Variants in PTPRN2 observed in about 807,000 individuals in gnomAD.
The protein encoded by PTPRN2 is receptor-type tyrosine-protein phosphatase N2.
A neutral mutation model predicts 118.8 loss-of-function variants in PTPRN2; 74 were observed. The observed-to-expected ratio is 0.62, with a 90% confidence interval of 0.52 to 0.76. The LOEUF (loss-of-function observed/expected upper bound fraction) is 0.76, where lower values mean the gene tolerates loss of function less well. Among genes scored for constraint, PTPRN2 ranks in the 30% least tolerant of loss-of-function variants. The pLI, the probability that PTPRN2 is intolerant of heterozygous loss-of-function variation, is 0.00. For missense variants in PTPRN2, 1,481 were observed against 1,394.4 expected, an observed-to-expected ratio of 1.06 and a Z score of -0.99; for synonymous variants, 641 against 608.0, an observed-to-expected ratio of 1.05 and a Z score of -0.80.
chr7:158,260,492 A>C (rs1216907396), intron 3 of PTPRN2, among the ~76,000 whole-genome samples: 2 of 152,348 alleles, frequency 1.3e-5, no homozygotes, highest in South Asian at 2.1e-4. Context: ...CGACTTCTTC[A>C]GAAGGCCTAG....
intron 2 of PTPRN2, among the ~76,000 whole-genome samples, chr7:158,454,626 A>G (rs908333684): frequency 2.0e-5 from 3 of 152,038 alleles, no homozygotes; most frequent in Non-Finnish European, 4.4e-5. Context: ...ACAATCACCA[A>G]TGTCAGGATT....
rs9647689 is a variant in PTPRN2 at position 157,784,195 on chromosome 7, C to T, written c.1789-101258G>A. Among the ~76,000 whole-genome samples, 4 of 152,032 alleles carry T rather than the reference C, an allele frequency of 2.6e-5. No individual in the cohort carries two copies. The highest frequency in any genetic ancestry group is 6.5e-5 in the Admixed American group (1 of 15,278). On this transcript the variant is annotated intron_variant, in intron 12 of 22. Coordinates refer to ENST00000389418, the MANE Select transcript of PTPRN2 (RefSeq NM_002847.5). This position sits in a 1 kb window ranked among gnomAD's most constrained non-coding sequence, Gnocchi z 4.6. ...GTTAGGCCAGGGACCAATCTTACCACGTGGCTTCTGGCCCAGAGCAGCTCG... is the reference window on the plus strand; with the variant it reads ...GTTAGGCCAGGGACCAATCTTACCATGTGGCTTCTGGCCCAGAGCAGCTCG...
chr7:157,810,554 C>T (rs377089874), intron 12 of PTPRN2, among the ~76,000 whole-genome samples: 4 of 94,416 alleles, frequency 4.2e-5, no homozygotes, highest in East Asian at 6.4e-4. Flanking sequence ...ACGGGGACGG[C>T]GGGACTGCTG....
chr7:158,123,451 C>G (rs139167013), intron 9 of PTPRN2, among the ~76,000 whole-genome samples: 1 of 152,154 alleles, frequency 6.6e-6, no homozygotes, highest in African/African-American at 2.4e-5. Context: ...ATCCCCTGCA[C>G]GCCCACTCTC....
intron 9 of PTPRN2, among the ~76,000 whole-genome samples, chr7:158,114,841 G>A (rs755728548): frequency 1.2e-4 from 19 of 152,154 alleles, no homozygotes; most frequent in Non-Finnish European, 2.1e-4. Context: ...AGAGGCAGAC[G>A]CAGGGATGGA....
chr7:158,256,044 C>T (rs1369466878), intron 3 of PTPRN2, among the ~76,000 whole-genome samples: 5 of 152,182 alleles, frequency 3.3e-5, no homozygotes, highest in African/African-American at 9.7e-5. Context: ...TTTTGGATGC[C>T]GTGATCAGAA....
chr7:157,830,109 C>T (rs1807461857), intron 12 of PTPRN2, among the ~76,000 whole-genome samples: 2 of 141,142 alleles, frequency 1.4e-5, no homozygotes, highest in African/African-American at 2.6e-5. Flanking sequence ...TCCTGTCTTC[C>T]TGCTCTTGGT....
intron 6 of PTPRN2, among the ~76,000 whole-genome samples, chr7:158,166,096 C>T (rs1822944300): frequency 6.6e-6 from 1 of 152,144 alleles, no homozygotes; most frequent in African/African-American, 2.4e-5. Context: ...ATGGATGACA[C>T]AAGCTGTGGG....
chr7:158,566,519 G>A (rs1240940683), intron 1 of PTPRN2, among the ~76,000 whole-genome samples: 1 of 152,162 alleles, frequency 6.6e-6, no homozygotes, highest in Non-Finnish European at 1.5e-5. Context: ...CCGCACAAAA[G>A]GTACTCTGCA....
intron 12 of PTPRN2, among the ~76,000 whole-genome samples, chr7:157,750,075 T>G (rs971446588): frequency 6.6e-6 from 1 of 152,080 alleles, no homozygotes; most frequent in Non-Finnish European, 1.5e-5. Flanking sequence ...TTCTGAGGGC[T>G]CTTTTGCTTG....
At chr7:158,078,650 G>A (rs141807609) in intron 11 of PTPRN2, among the ~76,000 whole-genome samples, 1 of 152,232 alleles carries the variant, frequency 6.6e-6, no homozygotes, top group African/African-American at 2.4e-5. Context: ...ACCGTGCTAA[G>A]CGCTCTCCCG....
At chr7:158,221,762 C>T (rs79767075) in intron 3 of PTPRN2, among the ~76,000 whole-genome samples, 13 of 152,090 alleles carry the variant, frequency 8.5e-5, no homozygotes, top group Admixed American at 6.5e-5. Context: ...TCCCACAAGA[C>T]GTGGAAATTA....
intron 4 of PTPRN2, among the ~76,000 whole-genome samples, chr7:158,201,452 A>T (rs1050038401): frequency 5.3e-5 from 8 of 152,190 alleles, no homozygotes; most frequent in African/African-American, 1.7e-4. Flanking sequence ...AAAAATCAAA[A>T]TATTTAACTC....
intron 11 of PTPRN2, among the ~76,000 whole-genome samples, chr7:157,998,935 T>G (rs909594180): frequency 6.6e-6 from 1 of 151,440 alleles, no homozygotes; most frequent in African/African-American, 2.4e-5. Flanking sequence ...GGTAGAGAAG[T>G]CATCTTTGTG....
At chr7:157,697,724 A>C (rs1158434211) in intron 12 of PTPRN2, among the ~76,000 whole-genome samples, 1 of 142,728 alleles carries the variant, frequency 7.0e-6, no homozygotes, top group Non-Finnish European at 1.5e-5. Context: ...ACCCATGCAT[A>C]CTGGATCTTG....
At chr7:158,286,607 A>G (rs894297830) in intron 3 of PTPRN2, among the ~76,000 whole-genome samples, 2 of 152,204 alleles carry the variant, frequency 1.3e-5, no homozygotes, top group African/African-American at 4.8e-5. Flanking sequence ...ACATCTAATG[A>G]GATGATATAT....
rs890926426 is a variant in PTPRN2 at position 158,501,241 on chromosome 7, A to G, written c.113-11456T>C. ...CTTCCTGGAAGGAAAGATGAGTTTTATCATCTCTTGTGTTTTAAGTTATCC... is the reference window on the plus strand; with the variant it reads ...CTTCCTGGAAGGAAAGATGAGTTTTGTCATCTCTTGTGTTTTAAGTTATCC... On this transcript the variant is annotated intron_variant, in intron 1 of 22. Transcript: ENST00000389418. 2.0e-5 allele frequency among the ~76,000 whole-genome samples: 3 copies of G among 152,194 alleles called. No homozygotes were observed. The East Asian group carries it at 5.8e-4, about 29-fold the overall frequency.
intron 10 of PTPRN2, among the ~76,000 whole-genome samples, chr7:158,098,570 G>A (rs1475172649): frequency 6.6e-6 from 1 of 152,212 alleles, no homozygotes; most frequent in Non-Finnish European, 1.5e-5. Context: ...GAGCAGGCAC[G>A]GGCGAGGCCC....
Position 158,557,612 on chromosome 7 carries a change from G to C in PTPRN2, c.112+29946C>G, listed in dbSNP as rs570846426. 2.4e-4 allele frequency among the ~76,000 whole-genome samples: 36 copies of C among 152,370 alleles called. No homozygotes were observed. The South Asian group carries it at 6.4e-3, about 27-fold the overall frequency. ...CTCTCTCTCTGAAGAGCTGAGAACA[G>C]GCCCCTCCTGGCCTACGCTTTCTCA... On this transcript the variant is annotated intron_variant, in intron 1 of 22. Coordinates refer to ENST00000389418, the MANE Select transcript of PTPRN2 (RefSeq NM_002847.5).
Sources: gnomAD v4.1 joint callset for allele counts (sites outside exome capture counted in the v4.1 genomes callset) on GRCh38, gnomAD v4.1.1 for gene constraint, Gnocchi (gnomAD v3.1) non-coding constraint, MANE v1.5 for transcripts, NCBI Gene and HGNC (gene_info 2026-07-23, HGNC 2026-07-21) for gene names.